The following KCNB2 variants were observed in gnomAD, a reference collection of about 807,000 sequenced individuals.
KCNB2 encodes the protein delayed rectifier potassium channel protein.
A neutral mutation model predicts 61.5 loss-of-function variants in KCNB2; 15 were observed. The ratio of observed to expected loss-of-function variants is 0.24; its 90% CI spans 0.16 to 0.38. The LOEUF (loss-of-function observed/expected upper bound fraction) is 0.38, where lower values mean the gene tolerates loss of function less well. KCNB2 is among the 10% of genes least tolerant of loss of function. The pLI, the probability that KCNB2 is intolerant of heterozygous loss-of-function variation, is 1.00. For synonymous variants in KCNB2, 457 were observed against 446.0 expected, an observed-to-expected ratio of 1.02 and a Z score of -0.31; for missense variants, 828 against 1,125.2, an observed-to-expected ratio of 0.74 and a Z score of 3.78.
At chr8:72,553,114 A>T (rs1806371173) in intron 1 of KCNB2, among the ~76,000 whole-genome samples, 1 of 152,198 alleles carries the variant, frequency 6.6e-6, no homozygotes, top group South Asian at 2.1e-4. Context: ...ATCATTAGCA[A>T]CAACAACAAA....
chr8:72,744,128 T>C (rs143832878), intron 2 of KCNB2, among the ~76,000 whole-genome samples: 56 of 152,252 alleles, frequency 3.7e-4, no homozygotes, highest in African/African-American at 1.3e-3. Flanking sequence ...AGGGATACTA[T>C]TTGAAATCTG....
intron 2 of KCNB2, among the ~76,000 whole-genome samples, chr8:72,843,177 CT>C (rs1291492956): frequency 1.3e-5 from 2 of 152,052 alleles, no homozygotes; most frequent in African/African-American, 4.8e-5. Flanking sequence ...TTATTTCTGC[CT>C]TAATTTCGTT....
intron 2 of KCNB2, among the ~76,000 whole-genome samples, chr8:72,892,507 C>T (rs374181879): frequency 3.9e-5 from 6 of 152,256 alleles, no homozygotes; most frequent in South Asian, 2.1e-4. Context: ...GCTAGGCATC[C>T]GGCACATGCC....
chr8:72,682,144 T>TAAATGTATGTAA (rs1806767577), intron 2 of KCNB2, among the ~76,000 whole-genome samples: 1 of 152,188 alleles, frequency 6.6e-6, no homozygotes, highest in Non-Finnish European at 1.5e-5. Context: ...ATGTAAAAAC[T>TAAATGTATGTAA]AATTCATTTT....
intron 1 of KCNB2, among the ~76,000 whole-genome samples, chr8:72,542,100 CAT>C (rs1315856293): frequency 1.3e-5 from 2 of 152,060 alleles, no homozygotes; most frequent in South Asian, 4.2e-4. Flanking sequence ...ATTATGAAAA[CAT>C]AAATTGAGAT....
In KCNB2 at chr8:72,537,555, G is replaced by T; in HGVS notation, c.-424G>T. On this transcript the variant is annotated 5_prime_UTR_variant, in exon 1 of 3. Transcript: ENST00000523207. The stretch of plus-strand genomic sequence containing the variant: ...GCTGTGGCGGCGGCAGGGGGATGGG[G>T]ACCCCGTGTGGGGAAGGGGTTGAAG... The T allele has an allele frequency of 6.5e-6, 1 of 152,810 alleles. No individual in the cohort carries two copies. Among genetic ancestry groups the T allele is most frequent in the Non-Finnish European group, 1.5e-5 (1 of 68,422 alleles). The allele number at this position is 152,810 out of a possible 1,614,324, so 9.5% of individuals were successfully genotyped here.
At chr8:72,778,369 A>G (rs551162762) in intron 2 of KCNB2, among the ~76,000 whole-genome samples, 1 of 152,110 alleles carries the variant, frequency 6.6e-6, no homozygotes, top group African/African-American at 2.4e-5. Flanking sequence ...TCCTTGAGGG[A>G]GGGGAAGAAG....
chr8:72,630,034 A>G (rs991443273), intron 2 of KCNB2, among the ~76,000 whole-genome samples: 1 of 152,196 alleles, frequency 6.6e-6, no homozygotes, highest in Non-Finnish European at 1.5e-5. Context: ...TTAAGCACAC[A>G]ATTGTGTAGG....
At position 72,814,929 on chromosome 8, in the gene KCNB2, G is replaced by A. The variant is rs1809368155; in HGVS notation, c.580-121006G>A. On this transcript the variant is annotated intron_variant, in intron 2 of 2. Coordinates refer to ENST00000523207, the MANE Select transcript of KCNB2 (RefSeq NM_004770.3). ...GATAATAACTAGAAAAATTAAAGAA[G>A]TCAATCAGAAGGTCAATACAGTTAT... Among the ~76,000 whole-genome samples the A allele has an allele frequency of 2.6e-5, 4 of 152,118 alleles. No individual in the cohort carries two copies. In the South Asian group the frequency reaches 8.3e-4, roughly 31 times the overall value.
intron 2 of KCNB2, among the ~76,000 whole-genome samples, chr8:72,792,666 A>T (rs1808964755): frequency 6.6e-6 from 1 of 152,152 alleles, no homozygotes; most frequent in Non-Finnish European, 1.5e-5. Flanking sequence ...GCATATATAT[A>T]TTTTTAAATT....
rs1313113025 is a variant in KCNB2 at position 72,937,143 on chromosome 8, C to A, written c.1788C>A (p.Asp596Glu). Residue 596 changes from aspartate to glutamate, a missense_variant, in exon 3 of 3, where the codon GAC becomes GAA. This residue lies in a region of KCNB2 where 559 missense variants were observed against 588.4 expected (regional missense o/e 0.95). Transcript: ENST00000523207. ...LAVAQTEVIV[D>E]MKSTSSIDSF... ...TGGCACAGACCGAGGTCATTGTGGA[C>A]ATGAAGAGCACCTCCAGCATCGACA... 1 of 1,614,118 alleles carries A rather than the reference C, an allele frequency of 6.2e-7. No individual in the cohort carries two copies.
At chr8:72,647,109 C>T (rs139246318) in intron 2 of KCNB2, among the ~76,000 whole-genome samples, 1 of 152,154 alleles carries the variant, frequency 6.6e-6, no homozygotes, top group Non-Finnish European at 1.5e-5. Flanking sequence ...TGGCAGCGTG[C>T]GTGAGGGGTT....
intron 2 of KCNB2, among the ~76,000 whole-genome samples, chr8:72,862,339 A>G (rs1298385257): frequency 6.6e-6 from 1 of 152,208 alleles, no homozygotes; most frequent in Non-Finnish European, 1.5e-5. Flanking sequence ...ATACAGATGT[A>G]AAGAGAAGTA....
At chr8:72,832,419 G>T (rs1460095114) in intron 2 of KCNB2, among the ~76,000 whole-genome samples, 1 of 152,206 alleles carries the variant, frequency 6.6e-6, no homozygotes, top group Non-Finnish European at 1.5e-5. Flanking sequence ...GGAGGCAAAA[G>T]TCTAGTTCAA....
intron 2 of KCNB2, among the ~76,000 whole-genome samples, chr8:72,662,182 C>G (rs1668374373): frequency 6.6e-6 from 1 of 152,166 alleles, no homozygotes; most frequent in East Asian, 1.9e-4. Context: ...TCTCAGGGCT[C>G]TGGCAGCACT....
intron 2 of KCNB2, among the ~76,000 whole-genome samples, chr8:72,760,920 C>A (rs1808368034): frequency 6.6e-6 from 1 of 152,116 alleles, no homozygotes; most frequent in African/African-American, 2.4e-5. Flanking sequence ...AGAAACAGAG[C>A]TCATCACCTC....
intron 2 of KCNB2, among the ~76,000 whole-genome samples, chr8:72,833,875 G>T (rs548765287): frequency 6.6e-6 from 1 of 152,008 alleles, no homozygotes; most frequent in African/African-American, 2.4e-5. Flanking sequence ...ACAACCAAGG[G>T]GTCCACCACC....
At chr8:72,568,568 A>G (rs1806663139) in intron 2 of KCNB2, among the ~76,000 whole-genome samples, 1 of 152,212 alleles carries the variant, frequency 6.6e-6, no homozygotes, top group African/African-American at 2.4e-5. Flanking sequence ...GATGAAAGAG[A>G]GTCCTGGTTT....
chr8:72,554,438 T>C (rs140223826), intron 1 of KCNB2, among the ~76,000 whole-genome samples: 1 of 152,240 alleles, frequency 6.6e-6, no homozygotes, highest in East Asian at 1.9e-4. Flanking sequence ...ATAATAAGGT[T>C]CAACTCACCA....
Sources: allele counts gnomAD v4.1 joint callset (sites outside exome capture counted in the v4.1 genomes callset), GRCh38; gene constraint gnomAD v4.1.1; regional missense constraint gnomAD v4.1.1; transcripts MANE v1.5; gene names NCBI Gene and HGNC (gene_info 2026-07-23, HGNC 2026-07-21).